Variants in SIN3A observed in about 807,000 individuals in gnomAD.
SIN3A encodes the protein paired amphipathic helix protein Sin3a.
In SIN3A, 14 loss-of-function variants were observed where a neutral mutation model predicts 146.1. That is an observed-to-expected ratio of 0.10 (90% CI 0.06 to 0.15). The LOEUF is 0.15. Among genes scored for constraint, SIN3A ranks in the 10% least tolerant of loss-of-function variants. The probability of loss-of-function intolerance (pLI) is 1.00; values close to 1 mark genes in which losing one functional copy is unlikely to be tolerated. For synonymous variants in SIN3A, 572 were observed against 572.0 expected (o/e 1.00, Z 0.00); for missense variants, 1,028 against 1,576.0 (o/e 0.65, Z 5.89).
At position 75,396,366 on chromosome 15, in the gene SIN3A, T is replaced by C. The variant is rs1447367333; in HGVS notation, c.1985A>G (p.Glu662Gly). Residue 662 changes from glutamate to glycine, a missense_variant, in exon 13 of 21, where the codon GAA (glutamate) becomes GGA (glycine). By Grantham distance (98) the Glu-to-Gly change is moderately conservative. This residue lies in a region of SIN3A where 157 missense variants were observed against 284.8 expected (regional missense o/e 0.55). Coordinates refer to ENST00000394947, the MANE Select transcript of SIN3A (RefSeq NM_001145358.2). ...CTGGAGTGCTTTTCTATGGATGACT[T>C]CTGATGTGCCCCCAAGGGTGTTGTC... ...RLDNTLGGTSEVIHRKALQRI... is the reference protein window; with the variant it reads ...RLDNTLGGTSGVIHRKALQRI... 5.0e-6 allele frequency: 8 copies of C among 1,614,066 alleles called. No individual in the cohort carries two copies. The highest frequency in any genetic ancestry group is 6.8e-6 in the Non-Finnish European group (8 of 1,180,036).
chr15:75,455,323 C>T (rs951425208), upstream of SIN3A, among the ~76,000 whole-genome samples: 2 of 152,196 alleles, frequency 1.3e-5, no homozygotes, highest in Non-Finnish European at 2.9e-5. Context: ...CGCCCCCTGC[C>T]GAGCCCGCAC....
At chr15:75,385,140 A>C (rs767139499) in intron 16 of SIN3A, among the ~76,000 whole-genome samples, 2 of 152,146 alleles carry the variant, frequency 1.3e-5, no homozygotes, top group Non-Finnish European at 2.9e-5. Flanking sequence ...ACCACTGCAA[A>C]GCTCACCGTG....
At chr15:75,445,452 G>A (rs1018259681) in intron 1 of SIN3A, among the ~76,000 whole-genome samples, 10 of 151,458 alleles carry the variant, frequency 6.6e-5, no homozygotes, top group African/African-American at 2.4e-4. Flanking sequence ...CTACTCGGGA[G>A]GCTAAGGCAG....
At chr15:75,450,568 A>C (rs1365142864) in intron 1 of SIN3A, among the ~76,000 whole-genome samples, 1 of 152,204 alleles carries the variant, frequency 6.6e-6, no homozygotes, top group Non-Finnish European at 1.5e-5. Context: ...CAATAGTTAC[A>C]ACCAAGAGGG....
chr15:75,393,799 ATTAAG>A (rs773599818), intron 14 of SIN3A, among the ~76,000 whole-genome samples: 1 of 151,444 alleles, frequency 6.6e-6, no homozygotes, highest in African/African-American at 2.4e-5. Flanking sequence ...AATATGGAGG[ATTAAG>A]TTTATTTATT....
In SIN3A at chr15:75,386,780, A is replaced by C. The variant is rs145382595; in HGVS notation, c.3022-2343T>G. Reference sequence around the variant, plus strand: ...TACTTGGATGTCTGTGAGGTTGCCTATTGTATTCTTAATACAAATCCCTCT... The same window carrying C: ...TACTTGGATGTCTGTGAGGTTGCCTCTTGTATTCTTAATACAAATCCCTCT... On this transcript the variant is annotated intron_variant, in intron 16 of 20. Coordinates refer to ENST00000394947, the MANE Select transcript of SIN3A (RefSeq NM_001145358.2). Among the ~76,000 whole-genome samples, 8 of 152,326 alleles carry C rather than the reference A, an allele frequency of 5.3e-5. No homozygotes were observed. The East Asian group carries it at 1.5e-3, about 29-fold the overall frequency.
At chr15:75,383,942 T>C (rs1237531215) in intron 17 of SIN3A, 2 of 164,008 alleles carry the variant, frequency 1.2e-5, no homozygotes, top group East Asian at 1.8e-4. Flanking sequence ...ATAATGATCA[T>C]GACCATGGAT....
At chr15:75,406,580 G>C (rs933819123) in intron 9 of SIN3A, among the ~76,000 whole-genome samples, 1 of 152,138 alleles carries the variant, frequency 6.6e-6, no homozygotes, top group African/African-American at 2.4e-5. Flanking sequence ...CTAGCTACTC[G>C]GGAGGCTGAG....
chr15:75,390,761 G>C (rs760065184), intron 15 of SIN3A, among the ~76,000 whole-genome samples: 1 of 151,954 alleles, frequency 6.6e-6, no homozygotes, highest in Admixed American at 6.6e-5. Context: ...TTTTTTTGTA[G>C]AGATGGGGTC....
At chr15:75,449,726 G>A (rs930628925) in intron 1 of SIN3A, among the ~76,000 whole-genome samples, 4 of 150,398 alleles carry the variant, frequency 2.7e-5, no homozygotes, top group East Asian at 3.8e-4. Flanking sequence ...AAATAAAAAA[G>A]AAAAGACTTT....
chr15:75,449,010 TATGAAAA>T (rs2074355610), intron 1 of SIN3A, among the ~76,000 whole-genome samples: 1 of 152,228 alleles, frequency 6.6e-6, no homozygotes. Flanking sequence ...ATGAAGCATT[TATGAAAA>T]TGTTCCTAAT....
upstream of SIN3A, chr15:75,451,795 C>T (rs1211990511): frequency 1.3e-5 from 2 of 151,922 alleles, no homozygotes; most frequent in African/African-American, 4.8e-5. Flanking sequence ...CTCAGCCAAC[C>T]ACCGAGGCCT....
At chr15:75,421,230 A>AT (rs1301036753) in intron 3 of SIN3A, 1 of 152,216 alleles carries the variant, frequency 6.6e-6, no homozygotes, top group Admixed American at 6.6e-5. Flanking sequence ...AGGACTTAGT[A>AT]AAGTGCTAAG....
chr15:75,386,634 G>GT (rs988825555), intron 16 of SIN3A, among the ~76,000 whole-genome samples: 3 of 152,174 alleles, frequency 2.0e-5, no homozygotes, highest in Non-Finnish European at 2.9e-5. Context: ...AGCACATGCC[G>GT]TATGTTCATC....
In SIN3A at chr15:75,422,747, G is replaced by C; in HGVS notation, c.266C>G (p.Thr89Arg). The change falls in exon 3 of 21, where the codon ACA becomes AGA. Residue 89 changes from threonine to arginine, a missense_variant. Coordinates refer to ENST00000394947, the MANE Select transcript of SIN3A (RefSeq NM_001145358.2). ...CTGGCCTCCGTGGGGCTGCACCGCT[G>C]TTGGGTGATGATGGCTGCTATGAAC... ...AAVHSSHHHP[T>R]AVQPHGGQVV... 2 of 1,614,214 alleles carry C rather than the reference G, an allele frequency of 1.2e-6. No homozygotes were observed. Among genetic ancestry groups the C allele is most frequent in the Non-Finnish European group, 1.7e-6 (2 of 1,180,036 alleles).
At chr15:75,386,302 A>G (rs2073076717) in intron 16 of SIN3A, among the ~76,000 whole-genome samples, 1 of 152,230 alleles carries the variant, frequency 6.6e-6, no homozygotes, top group African/African-American at 2.4e-5. Flanking sequence ...TGCTGGGATT[A>G]CAGGCGTGAG....
chr15:75,409,543 G>C (rs1209647642), intron 8 of SIN3A, among the ~76,000 whole-genome samples: 1 of 151,210 alleles, frequency 6.6e-6, no homozygotes, highest in South Asian at 2.1e-4. Context: ...TGGCTAACAC[G>C]GTGAAACCCC....
intron 1 of SIN3A, among the ~76,000 whole-genome samples, chr15:75,442,321 G>A (rs1337736033): frequency 1.3e-5 from 2 of 149,790 alleles, no homozygotes; most frequent in Non-Finnish European, 3.0e-5. Flanking sequence ...AAGTGCAGTG[G>A]TTTTGATTGT....
intron 1 of SIN3A, among the ~76,000 whole-genome samples, chr15:75,446,907 G>T (rs373509564): frequency 1.2e-4 from 18 of 152,136 alleles, no homozygotes; most frequent in African/African-American, 4.3e-4. Context: ...GAGTAGCTGG[G>T]ACTACAGGTG....
Sources: gnomAD v4.1 joint callset for allele counts (sites outside exome capture counted in the v4.1 genomes callset) on GRCh38, gnomAD v4.1.1 for gene constraint, gnomAD v4.1.1 regional missense constraint, MANE v1.5 for transcripts, NCBI Gene and HGNC (gene_info 2026-07-23, HGNC 2026-07-21) for gene names.